Variants in GRIK2 observed in about 807,000 individuals in gnomAD.
The protein encoded by GRIK2 is glutamate receptor ionotropic, kainate 2.
In GRIK2, 32 loss-of-function variants were observed where a neutral mutation model predicts 100.3. The ratio of observed to expected loss-of-function variants is 0.32; its 90% CI spans 0.24 to 0.43. GRIK2 has a LOEUF of 0.43. Ranked by LOEUF, GRIK2 falls within the 20% of genes least tolerant of loss-of-function variation. The pLI is 1.00. For missense variants in GRIK2, 843 were observed against 1,114.9 expected, an observed-to-expected ratio of 0.76 and a Z score of 3.47; for synonymous variants, 417 against 389.4, an observed-to-expected ratio of 1.07 and a Z score of -0.83.
At chr6:101,853,575 C>T (rs186710526) in intron 10 of GRIK2, among the ~76,000 whole-genome samples, 6 of 152,302 alleles carry the variant, frequency 3.9e-5, no homozygotes, top group Admixed American at 3.9e-4. Flanking sequence ...ATCTTGCAGT[C>T]ATCCACCTTG....
chr6:101,529,996 TA>T (rs1775350074), intron 2 of GRIK2, among the ~76,000 whole-genome samples: 1 of 152,094 alleles, frequency 6.6e-6, no homozygotes, highest in African/African-American at 2.4e-5. Flanking sequence ...ACAGCCAGTA[TA>T]ATGTATACAC....
At chr6:101,719,142 T>G (rs867940687) in intron 7 of GRIK2, among the ~76,000 whole-genome samples, 247 of 6,922 alleles carry the variant, frequency 0.036, 1 homozygote, top group African/African-American at 0.046. Context: ...GCAAGGGTTT[T>G]TTTTTTTTTT....
At chr6:101,904,771 G>A (rs1220728389) in intron 12 of GRIK2, among the ~76,000 whole-genome samples, 1 of 151,434 alleles carries the variant, frequency 6.6e-6, no homozygotes, top group Non-Finnish European at 1.5e-5. Context: ...AAAGGAGAAA[G>A]TATGTTAGAA....
At chr6:101,957,184 C>A (rs375424288) in intron 14 of GRIK2, among the ~76,000 whole-genome samples, 1 of 151,802 alleles carries the variant, frequency 6.6e-6, no homozygotes, top group Non-Finnish European at 1.5e-5. Context: ...TAATAATAGC[C>A]ATTCTGTCTG....
intron 12 of GRIK2, among the ~76,000 whole-genome samples, chr6:101,919,451 G>T (rs1789351948): frequency 6.6e-6 from 1 of 151,842 alleles, no homozygotes; most frequent in Admixed American, 6.6e-5. Flanking sequence ...TAGAAAAGGA[G>T]AAATTGGGAA....
chr6:101,946,053 C>A (rs1191503721), intron 14 of GRIK2, among the ~76,000 whole-genome samples: 1 of 151,076 alleles, frequency 6.6e-6, no homozygotes, highest in Non-Finnish European at 1.5e-5. Context: ...CCAGGATAAA[C>A]CATTTTACAT....
At chr6:101,915,884 A>G (rs1384926318) in intron 12 of GRIK2, among the ~76,000 whole-genome samples, 1 of 151,470 alleles carries the variant, frequency 6.6e-6, no homozygotes, top group Non-Finnish European at 1.5e-5. Context: ...CTCTCTTCAA[A>G]TATGTTTAGT....
intron 7 of GRIK2, among the ~76,000 whole-genome samples, chr6:101,793,591 G>A (rs373054112): frequency 2.6e-5 from 4 of 152,088 alleles, no homozygotes; most frequent in Admixed American, 6.5e-5. Flanking sequence ...GGAGTATCTC[G>A]CCATGTGAGG....
intron 8 of GRIK2, 44 bp downstream of exon 8, chr6:101,799,835 A>G: frequency 1.4e-6 from 2 of 1,478,576 alleles, no homozygotes; most frequent in Non-Finnish European, 1.9e-6. Flanking sequence ...TTTGTTGTCA[A>G]GCTGAATGAA....
At chr6:101,726,581 T>A (rs1413494890) in intron 7 of GRIK2, among the ~76,000 whole-genome samples, 1 of 151,924 alleles carries the variant, frequency 6.6e-6, no homozygotes, top group African/African-American at 2.4e-5. Flanking sequence ...TACCTACACA[T>A]GAAGACAGGT....
chr6:101,661,958 T>G (rs1393718747), intron 4 of GRIK2, among the ~76,000 whole-genome samples: 1 of 152,178 alleles, frequency 6.6e-6, no homozygotes, highest in African/African-American at 2.4e-5. Context: ...GAAAATTTGT[T>G]TATATCATTC....
chr6:101,997,983 T>C (rs955403872), intron 14 of GRIK2, among the ~76,000 whole-genome samples: 1 of 152,100 alleles, frequency 6.6e-6, no homozygotes, highest in African/African-American at 2.4e-5. Context: ...AAGTTTAAAA[T>C]GTAAATTTGA....
At chr6:101,973,165 C>T (rs1020335066) in intron 14 of GRIK2, among the ~76,000 whole-genome samples, 2 of 151,818 alleles carry the variant, frequency 1.3e-5, no homozygotes, top group African/African-American at 4.8e-5. Flanking sequence ...ATAAAAACTT[C>T]AGCGGCTGAA....
intron 4 of GRIK2, among the ~76,000 whole-genome samples, chr6:101,636,909 A>G (rs1204215120): frequency 6.6e-6 from 1 of 152,106 alleles, no homozygotes; most frequent in African/African-American, 2.4e-5. Flanking sequence ...GTTCTTGGCT[A>G]TCTTCCTTTC....
At chr6:101,495,299 A>G (rs946243172) in intron 2 of GRIK2, among the ~76,000 whole-genome samples, 1 of 151,772 alleles carries the variant, frequency 6.6e-6, no homozygotes, top group African/African-American at 2.4e-5. Flanking sequence ...AGGTTAGGAG[A>G]TCGAGACCAT....
At chr6:101,793,198 T>C (rs530151755) in intron 7 of GRIK2, among the ~76,000 whole-genome samples, 21 of 152,360 alleles carry the variant, frequency 1.4e-4, no homozygotes, top group African/African-American at 4.6e-4. Context: ...GAAGCCTTCT[T>C]CTCTCAACTT....
At chr6:102,013,079 CTTTA>C (rs1401560593) in intron 14 of GRIK2, among the ~76,000 whole-genome samples, 4 of 151,894 alleles carry the variant, frequency 2.6e-5, no homozygotes, top group South Asian at 2.1e-4. Context: ...TAGAATGTTT[CTTTA>C]TTTGTTTGTG....
At chr6:101,762,350 T>C (rs1777779686) in intron 7 of GRIK2, among the ~76,000 whole-genome samples, 1 of 151,898 alleles carries the variant, frequency 6.6e-6, no homozygotes, top group South Asian at 2.1e-4. Context: ...AATTTTTTTA[T>C]TTTATTATTT....
At chr6:101,795,830 G>T (rs1490640532) in intron 7 of GRIK2, among the ~76,000 whole-genome samples, 1 of 152,152 alleles carries the variant, frequency 6.6e-6, no homozygotes, top group Non-Finnish European at 1.5e-5. Context: ...TGGGTGCATG[G>T]GAATAGGCTG....
Sources: gnomAD v4.1 joint callset for allele counts (sites outside exome capture counted in the v4.1 genomes callset) on GRCh38, gnomAD v4.1.1 for gene constraint, MANE v1.5 for transcripts, NCBI Gene and HGNC (gene_info 2026-07-23, HGNC 2026-07-21) for gene names.